ADGRL3: variants seen among roughly 807,000 people sequenced by gnomAD.
The protein encoded by ADGRL3 is adhesion G protein-coupled receptor L3.
Under a neutral mutation model 153.5 loss-of-function variants are expected in ADGRL3, and 62 were observed. That is an observed-to-expected ratio of 0.40 (90% CI 0.33 to 0.50). The LOEUF (loss-of-function observed/expected upper bound fraction) is 0.50. ADGRL3 is among the 20% of genes least tolerant of loss of function. The pLI is 0.47. For missense variants in ADGRL3, 1,641 were observed against 1,859.4 expected (o/e 0.88, Z 2.16); for synonymous variants, 710 against 672.5 (o/e 1.06, Z -0.86).
chr4:61,918,255 C>A (rs1367443357), intron 13 of ADGRL3, among the ~76,000 whole-genome samples: 1 of 152,084 alleles, frequency 6.6e-6, no homozygotes, highest in African/African-American at 2.4e-5. Context: ...AGGATGAAGT[C>A]GTGGTTTGTT....
chr4:61,222,739 C>G (rs528069872), intron 1 of ADGRL3, among the ~76,000 whole-genome samples: 1 of 152,078 alleles, frequency 6.6e-6, no homozygotes, highest in Non-Finnish European at 1.5e-5. Context: ...GAAAAGGAAA[C>G]CCAGACTACA....
In ADGRL3 at chr4:61,729,076, G is replaced by A. The variant is rs148299588; in HGVS notation, c.584-1546G>A. On this transcript the variant is annotated intron_variant, in intron 6 of 26. Transcript: ENST00000683033. ...TGTAGAGAGGGAGGGAGGGGGGTGA[G>A]GGTTGAAAAACTTACTGTTAGATAC... Among the ~76,000 whole-genome samples, 421 of 151,906 alleles carry A rather than the reference G, an allele frequency of 2.8e-3. 1 individual carries two copies. The highest frequency in any genetic ancestry group is 9.6e-3 in the African/African-American group (397 of 41,458).
chr4:61,507,396 CAG>C lies in ADGRL3; in HGVS notation c.56-9917_56-9916del, dbSNP rs369201041. Among the ~76,000 whole-genome samples, 72 of 152,198 alleles carry C rather than the reference CAG, an allele frequency of 4.7e-4. 1 individual carries two copies. The highest frequency in any genetic ancestry group is 1.7e-3 in the African/African-American group (71 of 41,524). On this transcript the variant is annotated intron_variant, in intron 3 of 26. Transcript: ENST00000683033. ...AGGCTTTATGTTGTCCCTCTGCAGA[CAG>C]ATAAAAAACCACCATGTCGATTTTT...
intron 1 of ADGRL3, among the ~76,000 whole-genome samples, chr4:61,243,152 C>T (rs958835979): frequency 6.6e-6 from 1 of 152,040 alleles, no homozygotes; most frequent in Non-Finnish European, 1.5e-5. Flanking sequence ...TTATATGACA[C>T]CCTCTGTGTG....
At chr4:61,399,484 T>C (rs1326998897) in intron 2 of ADGRL3, among the ~76,000 whole-genome samples, 2 of 151,656 alleles carry the variant, frequency 1.3e-5, no homozygotes, top group Non-Finnish European at 3.0e-5. Context: ...TTTAGGTTCA[T>C]TTCATTAATT....
chr4:61,954,520 A>G (rs544832637), intron 17 of ADGRL3, among the ~76,000 whole-genome samples: 9 of 152,220 alleles, frequency 5.9e-5, no homozygotes, highest in African/African-American at 2.2e-4. Flanking sequence ...CAGGCACTTC[A>G]TACCTTTGAT....
At chr4:61,371,005 G>A (rs893934990) in intron 1 of ADGRL3, among the ~76,000 whole-genome samples, 2 of 151,034 alleles carry the variant, frequency 1.3e-5, no homozygotes, top group Non-Finnish European at 3.0e-5. Flanking sequence ...TGTCTCTTTT[G>A]ATCTTTGTTG....
rs1560414342 is a variant in ADGRL3, at chr4:61,947,094, C to T, written c.2600C>T (p.Pro867Leu). 6.2e-7 allele frequency: 1 copy of T among 1,613,684 alleles called. No homozygotes were observed. The highest frequency in any genetic ancestry group is 1.7e-5 in the Admixed American group (1 of 60,002). ...AGTAACAAGGTTTATTTGGCTGATC[C>T]TGTGGTATTTACTGTTAAACATATC... is the stretch of plus-strand genomic sequence containing the variant. ...EFSNKVYLAD[P>L]VVFTVKHIKQ... Residue 867 changes from proline to leucine, a missense_variant, in exon 16 of 27, where the codon CCT becomes CTT. Transcript: ENST00000683033.
At position 61,442,326 on chromosome 4, in the gene ADGRL3, G is replaced by A. The variant is rs916638938; in HGVS notation, c.-173-54795G>A. On this transcript the variant is annotated intron_variant, in intron 2 of 26. Coordinates refer to ENST00000683033, the MANE Select transcript of ADGRL3 (RefSeq NM_001387552.1). ...TGACTATGGTTTGCTGGAGGAAGGTGAGTGCAGCCAATGTGGCTAGAGAAT... is the reference window on the plus strand; with the variant it reads ...TGACTATGGTTTGCTGGAGGAAGGTAAGTGCAGCCAATGTGGCTAGAGAAT... Among the ~76,000 whole-genome samples, 7 of 152,332 alleles carry A rather than the reference G, an allele frequency of 4.6e-5. No homozygotes were observed. In the South Asian group the frequency reaches 1.2e-3, roughly 27 times the overall value.
chr4:61,373,961 T>C (rs1315169273), intron 1 of ADGRL3, among the ~76,000 whole-genome samples: 1 of 152,198 alleles, frequency 6.6e-6, no homozygotes, highest in African/African-American at 2.4e-5. Context: ...AAAAGTAATG[T>C]CCTCAAAAGG....
intron 5 of ADGRL3, among the ~76,000 whole-genome samples, chr4:61,659,333 C>T (rs149195263): frequency 7.9e-5 from 12 of 152,236 alleles, no homozygotes; most frequent in African/African-American, 2.2e-4. Context: ...CCCTTATTTT[C>T]GTATCATCCG....
intron 1 of ADGRL3, among the ~76,000 whole-genome samples, chr4:61,315,841 A>T (rs576452584): frequency 6.6e-6 from 1 of 152,256 alleles, no homozygotes; most frequent in East Asian, 1.9e-4. Flanking sequence ...TGCCAAATGA[A>T]CTTGTAGACT....
chr4:61,553,246 G>T (rs1181180467), intron 4 of ADGRL3, among the ~76,000 whole-genome samples: 1 of 152,070 alleles, frequency 6.6e-6, no homozygotes, highest in African/African-American at 2.4e-5. Context: ...CTCTCCTTTG[G>T]TTTGAAATTC....
chr4:61,501,656 A>T (rs1319238149), intron 3 of ADGRL3, among the ~76,000 whole-genome samples: 5 of 152,198 alleles, frequency 3.3e-5, no homozygotes, highest in Non-Finnish European at 7.3e-5. Flanking sequence ...TTAATTGGTT[A>T]TATATAATTG....
At chr4:61,842,479 T>C (rs2149009301) in intron 9 of ADGRL3, among the ~76,000 whole-genome samples, 1 of 152,306 alleles carries the variant, frequency 6.6e-6, no homozygotes, top group African/African-American at 2.4e-5. Context: ...AGTTTAGATC[T>C]AGGTAGCTGG....
chr4:61,379,539 A>G (rs2096643301), intron 1 of ADGRL3, among the ~76,000 whole-genome samples: 1 of 152,054 alleles, frequency 6.6e-6, no homozygotes, highest in African/African-American at 2.4e-5. Flanking sequence ...TTTAAAAAAT[A>G]TCACTGTCAT....
chr4:61,691,258 AAAATGT>A (rs2095534922), intron 6 of ADGRL3, among the ~76,000 whole-genome samples: 1 of 152,180 alleles, frequency 6.6e-6, no homozygotes, highest in Non-Finnish European at 1.5e-5. Context: ...GATAGTTTCT[AAAATGT>A]TGAAATACCT....
intron 21 of ADGRL3, among the ~76,000 whole-genome samples, chr4:62,008,476 TA>T (rs1305479700): frequency 3.3e-5 from 5 of 152,146 alleles, no homozygotes; most frequent in African/African-American, 1.2e-4. Flanking sequence ...TGAGACCGGC[TA>T]ACCTATTGAC....
intron 5 of ADGRL3, among the ~76,000 whole-genome samples, chr4:61,650,013 A>G (rs938753399): frequency 2.0e-5 from 3 of 152,154 alleles, no homozygotes; most frequent in Non-Finnish European, 2.9e-5. Flanking sequence ...AAGTGGAGTT[A>G]AAGCTGCAGT....
Sources: gnomAD v4.1 joint callset for allele counts (sites outside exome capture counted in the v4.1 genomes callset) on GRCh38, gnomAD v4.1.1 for gene constraint, MANE v1.5 for transcripts, NCBI Gene and HGNC (gene_info 2026-07-23, HGNC 2026-07-21) for gene names.